The following ABCC1 variants were observed in gnomAD, a reference collection of about 807,000 sequenced individuals.
ABCC1 encodes the protein multidrug resistance-associated protein 1.
Under a neutral mutation model 172.9 loss-of-function variants are expected in ABCC1, and 83 were observed. The observed-to-expected ratio is 0.48, with a 90% CI of 0.40 to 0.58. ABCC1 has a LOEUF of 0.58. ABCC1 is among the 20% of genes least tolerant of loss of function. ABCC1 has a pLI of 0.00. For synonymous variants in ABCC1, 937 were observed against 825.2 expected (o/e 1.14, Z -2.32); for missense variants, 1,817 against 2,002.7 (o/e 0.91, Z 1.77).
At chr16:16,016,136 G>A (rs1838010891) in intron 4 of ABCC1, among the ~76,000 whole-genome samples, 1 of 143,326 alleles carries the variant, frequency 7.0e-6, no homozygotes, top group Non-Finnish European at 1.5e-5. Context: ...CCTGCTCTCA[G>A]AATGTGATCT....
At chr16:16,043,174 T>A (rs1352134261) in intron 7 of ABCC1, among the ~76,000 whole-genome samples, 6 of 151,260 alleles carry the variant, frequency 4.0e-5, no homozygotes, top group Non-Finnish European at 7.4e-5. Context: ...AAAAAAAAAT[T>A]TTTTTTTAGA....
chr16:15,982,530 C>T (rs1344911691), intron 1 of ABCC1, among the ~76,000 whole-genome samples: 4 of 151,704 alleles, frequency 2.6e-5, no homozygotes, highest in Non-Finnish European at 5.9e-5. Flanking sequence ...GTAACCACCC[C>T]CATGATTCAG....
chr16:16,079,438 T>C lies in ABCC1; in HGVS notation c.2075T>C (p.Leu692Ser), dbSNP rs1474213579. Residue 692 changes from leucine (L) to serine (S), a missense_variant, in exon 16 of 31, where the codon TTG becomes TCG. Physicochemically the swap from Leu to Ser is moderately radical, Grantham distance 145. This residue lies in a region of ABCC1 where 1,412 missense variants were observed against 1,600.3 expected (regional missense o/e 0.88). Transcript: ENST00000399410. ...AAGTCGTCCCTGCTCTCAGCCCTCT[T>C]GGCTGAGATGGACAAAGTGGAGGGG... ...CGKSSLLSALLAEMDKVEGHV... is the reference protein window; with the variant it reads ...CGKSSLLSALSAEMDKVEGHV... 1 of 1,613,750 alleles carries C rather than the reference T, an allele frequency of 6.2e-7. No individual in the cohort carries two copies. Among genetic ancestry groups the C allele is most frequent in the Admixed American group, 1.7e-5 (1 of 59,992 alleles).
chr16:16,117,494 A>G (rs887961880), intron 23 of ABCC1, among the ~76,000 whole-genome samples: 2 of 152,142 alleles, frequency 1.3e-5, no homozygotes, highest in African/African-American at 4.8e-5. Flanking sequence ...GCAACCTTGG[A>G]TTAGAGGGAC....
At chr16:16,086,642 C>CT (rs1344621899) in intron 17 of ABCC1, among the ~76,000 whole-genome samples, 182 bp from the exon 18 acceptor site, 2 of 139,072 alleles carry the variant, frequency 1.4e-5, no homozygotes, top group African/African-American at 3.0e-5. Context: ...CTTTTCTTTT[C>CT]TTTTTTTGTA....
intron 19 of ABCC1, among the ~76,000 whole-genome samples, chr16:16,094,748 G>A (rs929553795): frequency 4.7e-5 from 7 of 149,296 alleles, no homozygotes; most frequent in Admixed American, 6.7e-5. Context: ...ATCTCTTGAC[G>A]TCATGATCCG....
intron 5 of ABCC1, among the ~76,000 whole-genome samples, chr16:16,030,768 C>T (rs914934929): frequency 4.6e-5 from 7 of 151,984 alleles, no homozygotes; most frequent in Non-Finnish European, 2.9e-5. Context: ...AAGTTTAAAA[C>T]AAAAACAAAG....
chr16:16,014,315 G>A (rs569621769), intron 3 of ABCC1, among the ~76,000 whole-genome samples, 176 bp from the exon 4 acceptor site: 1 of 152,254 alleles, frequency 6.6e-6, no homozygotes, highest in Non-Finnish European at 1.5e-5. Context: ...GCATGGTGGC[G>A]GGCACCTGTA....
chr16:15,966,641 T>TTC (rs1159502242), intron 1 of ABCC1, among the ~76,000 whole-genome samples: 6 of 143,464 alleles, frequency 4.2e-5, no homozygotes, highest in East Asian at 2.1e-4. Context: ...TAGTTTGCTT[T>TTC]TCTCTCTCTC....
At chr16:16,131,681 G>C (rs45524839) in intron 26 of ABCC1, 108 bp from the exon 27 acceptor site, 39,962 of 1,337,874 alleles carry the variant, frequency 0.03, 764 homozygotes, top group Middle Eastern at 0.046. Context: ...GCTGAGGCCT[G>C]GGAGGCCACC....
chr16:16,080,266 T>A (rs1470852359), intron 16 of ABCC1, among the ~76,000 whole-genome samples: 2 of 152,234 alleles, frequency 1.3e-5, no homozygotes, highest in Non-Finnish European at 2.9e-5. Flanking sequence ...TATCTATTCT[T>A]ATAAATGTAA....
At chr16:16,138,098 C>T (rs181482783) in intron 29 of ABCC1, among the ~76,000 whole-genome samples, 1 of 152,142 alleles carries the variant, frequency 6.6e-6, no homozygotes, top group East Asian at 1.9e-4. Context: ...TTCAAGCTAT[C>T]CTCCCACCTC....
intron 20 of ABCC1, among the ~76,000 whole-genome samples, chr16:16,103,706 T>C (rs1361032101): frequency 6.6e-6 from 1 of 152,138 alleles, no homozygotes; most frequent in African/African-American, 2.4e-5. Context: ...GGACCTGCAG[T>C]TGCTACAGGG....
chr16:16,124,828 C>G lies in ABCC1; in HGVS notation c.3630C>G (p.Ile1210Met). The G allele has an allele frequency of 3.1e-6, 5 of 1,614,208 alleles. No homozygotes were observed. Among genetic ancestry groups the G allele is most frequent in the Non-Finnish European group, 2.5e-6 (3 of 1,180,048 alleles). Residue 1210 changes from isoleucine (I) to methionine (M), a missense_variant, in exon 25 of 31, where the codon ATC (isoleucine) becomes ATG (methionine). Ile to Met is a conservative substitution (Grantham distance 10). Around this residue, in one of 3 missense-constraint regions of ABCC1, gnomAD observed 1,412 missense variants for 1,600.3 expected, o/e 0.88. Transcript: ENST00000399410. ...GGCTGGAGTGTGTGGGCAACTGCAT[C>G]GTTCTGTTTGCTGCCCTGTTTGCGG... ...AVRLECVGNC[I>M]VLFAALFAVI...
At chr16:16,034,422 ATG>A (rs1315916420) in intron 6 of ABCC1, among the ~76,000 whole-genome samples, 1 of 152,130 alleles carries the variant, frequency 6.6e-6, no homozygotes, top group Non-Finnish European at 1.5e-5. Flanking sequence ...GGGACAGTTG[ATG>A]TAATTTGTTC....
chr16:15,985,463 A>G (rs926169067), intron 1 of ABCC1, among the ~76,000 whole-genome samples: 6 of 149,414 alleles, frequency 4.0e-5, no homozygotes, highest in Non-Finnish European at 8.9e-5. Flanking sequence ...TTTTCTTTTG[A>G]GACTGAGTTT....
In ABCC1 at chr16:16,058,985, T is replaced by A. The variant is rs191643623; in HGVS notation, c.1677+2690T>A. Among the ~76,000 whole-genome samples, 125 of 151,938 alleles carry A rather than the reference T, an allele frequency of 8.2e-4. 1 individual carries two copies. Among genetic ancestry groups the A allele is most frequent in the African/African-American group, 2.9e-3 (120 of 41,230 alleles). On this transcript the variant is annotated intron_variant, in intron 12 of 30. Coordinates refer to ENST00000399410, the MANE Select transcript of ABCC1 (RefSeq NM_004996.4). ...CTTGTTACTATAAAACTCAGCTTTC[T>A]GGGCCCCACCCAAATTTTCAGTTTT...
intron 25 of ABCC1, 97 bp downstream of exon 25, chr16:16,125,012 G>A (rs2045369501): frequency 6.4e-7 from 1 of 1,558,372 alleles, no homozygotes; most frequent in South Asian, 1.2e-5. Context: ...GAATGGGGGA[G>A]AGGAACTTGA....
At chr16:16,048,106 C>T (rs746320510) in intron 9 of ABCC1, 36 bp from the exon 10 acceptor site, 2 of 1,611,296 alleles carry the variant, frequency 1.2e-6, no homozygotes, top group Admixed American at 1.7e-5. Flanking sequence ...CTTCAGCTGC[C>T]ACACTCACCC....
Sources: allele counts gnomAD v4.1 joint callset (sites outside exome capture counted in the v4.1 genomes callset), GRCh38; gene constraint gnomAD v4.1.1; regional missense constraint gnomAD v4.1.1; transcripts MANE v1.5; gene names NCBI Gene and HGNC (gene_info 2026-07-23, HGNC 2026-07-21).